Variants in NR3C1 observed in about 807,000 individuals in gnomAD.
NR3C1 encodes the protein nuclear receptor subfamily 3 group C member 1.
A neutral mutation model predicts 74.0 loss-of-function variants in NR3C1; 14 were observed. That is an observed-to-expected ratio of 0.19 (90% CI 0.12 to 0.30). The LOEUF (loss-of-function observed/expected upper bound fraction) is 0.30. Ranked by LOEUF, NR3C1 falls within the 10% of genes least tolerant of loss-of-function variation. The pLI is 1.00. For synonymous variants in NR3C1, 308 were observed against 332.5 expected (o/e 0.93, Z 0.80); for missense variants, 695 against 909.8 (o/e 0.76, Z 3.04).
At chr5:143,389,610 T>C (rs919625688) in intron 2 of NR3C1, among the ~76,000 whole-genome samples, 1 of 152,228 alleles carries the variant, frequency 6.6e-6, no homozygotes, top group Non-Finnish European at 1.5e-5. Context: ...CTGTTAAATA[T>C]CATTATCAAT....
intron 2 of NR3C1, among the ~76,000 whole-genome samples, chr5:143,355,795 C>A (rs1191266101): frequency 1.3e-5 from 2 of 152,122 alleles, no homozygotes; most frequent in Non-Finnish European, 1.5e-5. Flanking sequence ...CCCTAAAAGA[C>A]CTTATGAAAT....
rs10062225 is a variant in NR3C1 at position 143,374,258 on chromosome 5, C to T, written c.1184+25398G>A. On this transcript the variant is annotated intron_variant, in intron 2 of 8. Coordinates refer to ENST00000394464, the MANE Select transcript of NR3C1 (RefSeq NM_000176.3). ...CTGTAATCCCAGCACTTTGGGAGGCCGAGGCGGGTGGATCACGAGGTCAGG... is the reference window on the plus strand; with the variant it reads ...CTGTAATCCCAGCACTTTGGGAGGCTGAGGCGGGTGGATCACGAGGTCAGG... Among the ~76,000 whole-genome samples the T allele has an allele frequency of 4.2e-3, 632 of 152,052 alleles. 2 individuals are homozygous for T. The highest frequency in any genetic ancestry group is 0.014 in the African/African-American group (599 of 41,472).
chr5:143,299,005 GT>G lies in NR3C1; in HGVS notation c.1748-194del, dbSNP rs35039262. Among the ~76,000 whole-genome samples, 249 of 106,728 alleles carry G rather than the reference GT, an allele frequency of 2.3e-3. 1 individual carries two copies. Among genetic ancestry groups the G allele is most frequent in the Admixed American group, 9.2e-3 (88 of 9,560 alleles). 70.0% of individuals were successfully genotyped at this position (106,728 alleles called of 152,430 possible). A position where few individuals can be genotyped will look rare whatever the true frequency, so the allele number is the denominator to read the frequency against. On this transcript the variant is annotated intron_variant, in intron 5 of 8. Coordinates refer to ENST00000394464, the MANE Select transcript of NR3C1 (RefSeq NM_000176.3). Reference sequence around the variant, plus strand: ...CTTTAAGACTCACAAACCCTCTTGTGTTTTTTTTTTTTTTTTTTTTTTTAAT... The same window carrying G: ...CTTTAAGACTCACAAACCCTCTTGTGTTTTTTTTTTTTTTTTTTTTTTAAT...
At chr5:143,293,508 A>G (rs1359039429) in intron 7 of NR3C1, among the ~76,000 whole-genome samples, 1 of 152,210 alleles carries the variant, frequency 6.6e-6, no homozygotes, top group African/African-American at 2.4e-5. Context: ...CCTGTTCCCC[A>G]AAAACCTATT....
intron 1 of NR3C1, among the ~76,000 whole-genome samples, chr5:143,422,029 T>C (rs887558309): frequency 2.0e-5 from 3 of 152,138 alleles, no homozygotes; most frequent in African/African-American, 7.2e-5. Context: ...GGTCTGCCTC[T>C]TTTTTAGCCT....
In NR3C1 at chr5:143,400,682, T is replaced by G. The variant is rs1018341081; in HGVS notation, c.158A>C (p.Gln53Pro). Residue 53 changes from glutamine (Q) to proline (P), a missense_variant, in exon 2 of 9, where the codon CAA becomes CCA. Gln to Pro is a moderately conservative substitution (Grantham distance 76, BLOSUM62 -1). This residue lies in a region of NR3C1 where 497 missense variants were observed against 489.5 expected (regional missense o/e 1.02). Transcript: ENST00000394464. ...AAGTCTTCGCTGCTTGGAGTCTGAT[T>G]GAGAAGCGACAGCCAGTGAGGGTGA... ...ASSPSLAVAS[Q>P]SDSKQRRLLV... 48 of 1,613,942 alleles carry G rather than the reference T, an allele frequency of 3.0e-5. No individual in the cohort carries two copies. The highest frequency in any genetic ancestry group is 4.0e-5 in the Non-Finnish European group (47 of 1,179,916).
intron 2 of NR3C1, chr5:143,389,905 C>A: frequency 1.0e-6 from 1 of 971,970 alleles, no homozygotes; most frequent in South Asian, 4.8e-5. Context: ...CTCTTCCTTC[C>A]CATTTCTTAG....
chr5:143,387,084 A>G (rs1415119286), intron 2 of NR3C1, among the ~76,000 whole-genome samples: 11 of 152,238 alleles, frequency 7.2e-5, no homozygotes, highest in Admixed American at 2.0e-4. Context: ...GAGACTATTG[A>G]TAAGAGTAAT....
chr5:143,324,729 C>T (rs1824191955), intron 2 of NR3C1, among the ~76,000 whole-genome samples: 1 of 152,118 alleles, frequency 6.6e-6, no homozygotes, highest in African/African-American at 2.4e-5. Context: ...ATGCTGTTTC[C>T]CTTTTAAAAC....
upstream of NR3C1, among the ~76,000 whole-genome samples, chr5:143,406,066 TA>T (rs1338156397): frequency 6.6e-6 from 1 of 151,938 alleles, no homozygotes; most frequent in Non-Finnish European, 1.5e-5. Context: ...GTACACTGCT[TA>T]AAATGATTAA....
chr5:143,372,196 ATTTCT>A (rs1381195275), intron 2 of NR3C1, among the ~76,000 whole-genome samples: 14 of 152,284 alleles, frequency 9.2e-5, no homozygotes, highest in Admixed American at 7.8e-4. Flanking sequence ...TCAGCATATG[ATTTCT>A]TTTCTTTATA....
At chr5:143,303,301 C>G (rs1818894135) in intron 4 of NR3C1, among the ~76,000 whole-genome samples, 1 of 151,708 alleles carries the variant, frequency 6.6e-6, no homozygotes, top group Non-Finnish European at 1.5e-5. Context: ...CAGCTGACCC[C>G]CGTATATATA....
At chr5:143,306,510 C>A (rs1561523250) in intron 4 of NR3C1, among the ~76,000 whole-genome samples, 1 of 152,114 alleles carries the variant, frequency 6.6e-6, no homozygotes, top group East Asian at 1.9e-4. Flanking sequence ...TACAGTGAAA[C>A]CACACACACA....
At chr5:143,342,062 A>G (rs1257192256) in intron 2 of NR3C1, among the ~76,000 whole-genome samples, 1 of 152,122 alleles carries the variant, frequency 6.6e-6, no homozygotes, top group Non-Finnish European at 1.5e-5. Flanking sequence ...ACTTTCAACA[A>G]GAATCTACGA....
At chr5:143,338,080 A>G (rs1827490462) in intron 2 of NR3C1, among the ~76,000 whole-genome samples, 1 of 152,206 alleles carries the variant, frequency 6.6e-6, no homozygotes, top group African/African-American at 2.4e-5. Context: ...GACAGCATTT[A>G]TAGTGATGGT....
At chr5:143,362,514 C>T (rs925735346) in intron 2 of NR3C1, among the ~76,000 whole-genome samples, 22 of 152,148 alleles carry the variant, frequency 1.4e-4, no homozygotes, top group South Asian at 6.2e-4. Flanking sequence ...GCGCCCGCCA[C>T]CACAGCCACC....
At chr5:143,373,184 C>T (rs913802336) in intron 2 of NR3C1, among the ~76,000 whole-genome samples, 8 of 152,048 alleles carry the variant, frequency 5.3e-5, no homozygotes, top group Non-Finnish European at 8.8e-5. Flanking sequence ...ATGTGTATGC[C>T]TTGTGATCTA....
chr5:143,320,866 A>T (rs974292223), intron 2 of NR3C1, among the ~76,000 whole-genome samples: 1 of 152,066 alleles, frequency 6.6e-6, no homozygotes, highest in Non-Finnish European at 1.5e-5. Flanking sequence ...AAGTCTTGAG[A>T]CCCCAAGCAC....
intron 2 of NR3C1, among the ~76,000 whole-genome samples, chr5:143,319,483 CTG>C (rs1822885988): frequency 6.6e-6 from 1 of 152,144 alleles, no homozygotes; most frequent in African/African-American, 2.4e-5. Flanking sequence ...GCTGCTATAA[CTG>C]GATTAATTTT....
Sources: allele counts gnomAD v4.1 joint callset (sites outside exome capture counted in the v4.1 genomes callset), GRCh38; gene constraint gnomAD v4.1.1; regional missense constraint gnomAD v4.1.1; transcripts MANE v1.5; gene names NCBI Gene and HGNC (gene_info 2026-07-23, HGNC 2026-07-21).